Variants in GALNT17 observed in about 807,000 individuals in gnomAD.
The protein encoded by GALNT17 is polypeptide N-acetylgalactosaminyltransferase 17.
In GALNT17, 29 loss-of-function variants were observed where a neutral mutation model predicts 63.7. The observed-to-expected ratio is 0.46, with a 90% CI of 0.34 to 0.62. The LOEUF is 0.62. Among genes scored for constraint, GALNT17 ranks in the 20% least tolerant of loss-of-function variants. The pLI, the probability that GALNT17 is intolerant of heterozygous loss-of-function variation, is 0.01. For missense variants in GALNT17, 603 were observed against 799.6 expected, an observed-to-expected ratio of 0.75 and a Z score of 2.97; for synonymous variants, 305 against 318.3, an observed-to-expected ratio of 0.96 and a Z score of 0.45.
In GALNT17 at chr7:71,564,278, C is replaced by CTTT. The variant is rs10539122; in HGVS notation, c.963-6985_963-6983dup. ...TCTTTCTTTTTTTTTCTTTTCTTTT[C>CTTT]TTTTTTTTTTTTTTTTTTTTTTTTG... On this transcript the variant is annotated intron_variant, in intron 5 of 10. Coordinates refer to ENST00000333538, the MANE Select transcript of GALNT17 (RefSeq NM_022479.3). Among the ~76,000 whole-genome samples the CTTT allele has an allele frequency of 5.1e-3, 502 of 97,962 alleles. 6 individuals carry two copies. Among genetic ancestry groups the CTTT allele is most frequent in the Non-Finnish European group, 6.7e-3 (348 of 52,084 alleles). 64.3% of individuals were successfully genotyped at this position (97,962 alleles called of 152,430 possible). A position where few individuals can be genotyped will look rare whatever the true frequency, so the allele number is the denominator to read the frequency against.
At chr7:71,427,083 C>CTT (rs879851559) in intron 5 of GALNT17, among the ~76,000 whole-genome samples, 4 of 140,262 alleles carry the variant, frequency 2.9e-5, no homozygotes, top group Non-Finnish European at 4.7e-5. Context: ...TTCATTTACT[C>CTT]TTTTTTTTTT....
chr7:71,540,092 C>CATTTTTTTTTT, intron 5 of GALNT17, among the ~76,000 whole-genome samples: 1 of 59,950 alleles, frequency 1.7e-5, no homozygotes, highest in Non-Finnish European at 3.7e-5. Flanking sequence ...CTGTGCCTGG[C>CATTTTTTTTTT]CTTTTTTTTT....
chr7:71,339,999 G>A (rs555326019), intron 2 of GALNT17, among the ~76,000 whole-genome samples: 7 of 152,316 alleles, frequency 4.6e-5, no homozygotes, highest in Non-Finnish European at 8.8e-5. Flanking sequence ...GATGGAAAGA[G>A]GATGGTAATG....
chr7:71,642,380 A>G lies in GALNT17; in HGVS notation c.1081-23031A>G, dbSNP rs932440885. Among the ~76,000 whole-genome samples, 20 of 152,360 alleles carry G rather than the reference A, an allele frequency of 1.3e-4. 1 individual carries two copies. Among genetic ancestry groups the G allele is most frequent in the East Asian group, 1.2e-3 (6 of 5,178 alleles). ...CTTAACCAGTGTTTTAAGTGTTTCAATGGGCAAGGACAATAGTTTTCTGAG... is the reference window on the plus strand; with the variant it reads ...CTTAACCAGTGTTTTAAGTGTTTCAGTGGGCAAGGACAATAGTTTTCTGAG... On this transcript the variant is annotated intron_variant, in intron 6 of 10. Transcript: ENST00000333538.
chr7:71,348,872 C>G (rs532483093), intron 2 of GALNT17, among the ~76,000 whole-genome samples: 21 of 152,266 alleles, frequency 1.4e-4, no homozygotes, highest in African/African-American at 5.1e-4. Flanking sequence ...TCTGCCTAGT[C>G]CATTGCTTCC....
chr7:71,376,647 T>C (rs1456053402), intron 2 of GALNT17, among the ~76,000 whole-genome samples: 9 of 151,696 alleles, frequency 5.9e-5, no homozygotes, highest in Non-Finnish European at 1.5e-5. Flanking sequence ...TATGGTAGAA[T>C]TGAGGGTAAA....
At chr7:71,518,410 A>G (rs1788476807) in intron 5 of GALNT17, among the ~76,000 whole-genome samples, 1 of 152,148 alleles carries the variant, frequency 6.6e-6, no homozygotes, top group Non-Finnish European at 1.5e-5. Flanking sequence ...GGAACTCTGG[A>G]TGGCTGATGT....
chr7:71,614,202 C>T (rs897174930), intron 6 of GALNT17, among the ~76,000 whole-genome samples: 2 of 152,026 alleles, frequency 1.3e-5, no homozygotes, highest in Non-Finnish European at 2.9e-5. Flanking sequence ...TGGAGAGAGC[C>T]AAGAAGTCAT....
In GALNT17 at chr7:71,236,517, C is replaced by A. The variant is rs183701355; in HGVS notation, c.239-99033C>A. Among the ~76,000 whole-genome samples, 464 of 152,210 alleles carry A rather than the reference C, an allele frequency of 3.0e-3. 17 individuals carry two copies. The highest frequency in any genetic ancestry group is 3.9e-3 in the Non-Finnish European group (262 of 68,010). On this transcript the variant is annotated intron_variant, in intron 1 of 10. Coordinates refer to ENST00000333538, the MANE Select transcript of GALNT17 (RefSeq NM_022479.3). Reference sequence around the variant, plus strand: ...TCCTGGGTGCCTGCATAATTGGCTGCCTATAGGGGTGCCTTGTTATCTTTT... The same window carrying A: ...TCCTGGGTGCCTGCATAATTGGCTGACTATAGGGGTGCCTTGTTATCTTTT...
chr7:71,448,295 G>A (rs897936152), intron 5 of GALNT17, among the ~76,000 whole-genome samples: 9 of 152,012 alleles, frequency 5.9e-5, no homozygotes, highest in African/African-American at 2.2e-4. Context: ...CATTGCACTG[G>A]CACTCAATAG....
chr7:71,410,750 C>T (rs1793415214), intron 3 of GALNT17, among the ~76,000 whole-genome samples: 4 of 152,152 alleles, frequency 2.6e-5, no homozygotes. Flanking sequence ...AATTTATGCT[C>T]CATGAGCCTG....
Position 71,399,367 on chromosome 7 carries a change from G to A in GALNT17, c.589+10966G>A, listed in dbSNP as rs541523223. 6.6e-5 allele frequency among the ~76,000 whole-genome samples: 10 copies of A among 152,284 alleles called. No individual in the cohort carries two copies. In the South Asian group the frequency reaches 8.3e-4, roughly 13 times the overall value. On this transcript the variant is annotated intron_variant, in intron 3 of 10. Transcript: ENST00000333538. ...AGTTCCAAAGGCACCTGCTGCTGCCGGTTCCATTGCCTCTTGAGTGTCCTC... is the reference window on the plus strand; with the variant it reads ...AGTTCCAAAGGCACCTGCTGCTGCCAGTTCCATTGCCTCTTGAGTGTCCTC...
In GALNT17 at chr7:71,139,051, T is replaced by C. The variant is rs1018812428; in HGVS notation, c.238+6011T>C. ...CTTGTTAGAATTCTTCTTTATGTGA[T>C]TTTTGGCTTTCTATCATGTTTCTGT... On this transcript the variant is annotated intron_variant, in intron 1 of 10. Coordinates refer to ENST00000333538, the MANE Select transcript of GALNT17 (RefSeq NM_022479.3). Among the ~76,000 whole-genome samples the C allele has an allele frequency of 5.9e-5, 9 of 152,282 alleles. No individual in the cohort carries two copies. The South Asian group carries it at 1.2e-3, about 21-fold the overall frequency.
intron 1 of GALNT17, among the ~76,000 whole-genome samples, chr7:71,233,003 C>A (rs567088263): frequency 3.9e-5 from 6 of 152,288 alleles, no homozygotes; most frequent in African/African-American, 1.4e-4. Context: ...CTTTAATCCT[C>A]TCAACAACCC....
chr7:71,141,857 TG>T lies in GALNT17; in HGVS notation c.238+8818del. ...ACGTCTGGCTGTGTGTGTGTGTGTG[TG>T]TGTGTGTGTGTGTGTGTGTGTATGT... On this transcript the variant is annotated intron_variant, in intron 1 of 10. Transcript: ENST00000333538. 2.0e-5 allele frequency among the ~76,000 whole-genome samples: 3 copies of T among 149,990 alleles called. No individual in the cohort carries two copies. In the South Asian group the frequency reaches 6.4e-4, roughly 32 times the overall value.
chr7:71,566,020 TTTTGTTTG>T lies in GALNT17; in HGVS notation c.963-5239_963-5232del, dbSNP rs60365258. On this transcript the variant is annotated intron_variant, in intron 5 of 10. Transcript: ENST00000333538. ...TACTAGGCCTGGCTAATTTTGTGGGTTTTGTTTGTTTGTTTGTTTGTTTGTTTGTTTGT... is the reference window on the plus strand; with the variant it reads ...TACTAGGCCTGGCTAATTTTGTGGGTTTTGTTTGTTTGTTTGTTTGTTTGT... 6.9e-3 allele frequency among the ~76,000 whole-genome samples: 1,042 copies of T among 150,206 alleles called. 15 individuals carry two copies. Among genetic ancestry groups the T allele is most frequent in the African/African-American group, 0.022 (896 of 40,814 alleles).
At chr7:71,204,982 G>A (rs1206293554) in intron 1 of GALNT17, among the ~76,000 whole-genome samples, 1 of 151,992 alleles carries the variant, frequency 6.6e-6, no homozygotes, top group Non-Finnish European at 1.5e-5. Context: ...CTGACCTCAA[G>A]TAATCCACCT....
At chr7:71,434,429 C>T (rs915435941) in intron 5 of GALNT17, among the ~76,000 whole-genome samples, 2 of 152,116 alleles carry the variant, frequency 1.3e-5, no homozygotes, top group Admixed American at 1.3e-4. Context: ...TGGGTAAGGT[C>T]AGGTTGAAGA....
intron 6 of GALNT17, among the ~76,000 whole-genome samples, chr7:71,625,561 G>A (rs142921704): frequency 2.0e-5 from 3 of 152,206 alleles, no homozygotes; most frequent in Admixed American, 2.0e-4. Context: ...TTTGTTGGGG[G>A]TGGGGTGATC....
Sources: allele counts gnomAD v4.1 joint callset (sites outside exome capture counted in the v4.1 genomes callset), GRCh38; gene constraint gnomAD v4.1.1; transcripts MANE v1.5; gene names NCBI Gene and HGNC (gene_info 2026-07-23, HGNC 2026-07-21).